Variants in HECA observed in about 807,000 individuals in gnomAD.
The protein encoded by HECA is headcase protein homolog.
In HECA, 13 loss-of-function variants were observed where a neutral mutation model predicts 37.6. The ratio of observed to expected loss-of-function variants is 0.35; its 90% confidence interval spans 0.23 to 0.55. The LOEUF (loss-of-function observed/expected upper bound fraction) is 0.55, where lower values mean the gene tolerates loss of function less well. HECA is among the 20% of genes least tolerant of loss of function. HECA has a pLI of 0.90. For missense variants in HECA, 527 were observed against 701.9 expected (o/e 0.75, Z 2.82); for synonymous variants, 307 against 291.5 (o/e 1.05, Z -0.54).
At chr6:139,156,449 A>G (rs895665808) in intron 1 of HECA, among the ~76,000 whole-genome samples, 3 of 152,244 alleles carry the variant, frequency 2.0e-5, no homozygotes, top group African/African-American at 7.2e-5. Context: ...GGCTGAAGTG[A>G]CCTTCCTGCC....
intron 1 of HECA, among the ~76,000 whole-genome samples, chr6:139,149,227 G>T (rs1211947509): frequency 6.6e-6 from 1 of 152,128 alleles, no homozygotes; most frequent in African/African-American, 2.4e-5. Flanking sequence ...TCTGTGATTT[G>T]GAAGAGGTTT....
intron 1 of HECA, chr6:139,155,846 A>G (rs554698019): frequency 7.2e-4 from 109 of 152,326 alleles, no homozygotes; most frequent in African/African-American, 2.4e-3. Context: ...GCAAATTTCA[A>G]CTACTCACAT....
intron 1 of HECA, among the ~76,000 whole-genome samples, chr6:139,149,567 C>T (rs1201798037): frequency 2.6e-5 from 4 of 152,206 alleles, no homozygotes; most frequent in Non-Finnish European, 5.9e-5. Context: ...CAGATGTTGG[C>T]TTTCCCCCAG....
chr6:139,166,970 GC>G lies in HECA; in HGVS notation c.961del (p.His321ThrfsTer41). ...GGCTGGGGGCCATGTGTTCAGAAAT[GC>G]CCACTTTGATTACAGCCCTGCGGGG... ...AMAGGHVFRN[A>X]HFDYSPAGLA... is the part of the protein sequence containing the mutation. On this transcript the variant is annotated frameshift_variant, in exon 2 of 4. Coordinates refer to ENST00000367658, the MANE Select transcript of HECA (RefSeq NM_016217.3). LOFTEE classifies it high-confidence loss of function. The G allele has an allele frequency of 6.2e-7, 1 of 1,614,196 alleles. No homozygotes were observed.
At chr6:139,165,452 A>G (rs199542157) in intron 1 of HECA, among the ~76,000 whole-genome samples, 1 of 152,054 alleles carries the variant, frequency 6.6e-6, no homozygotes, top group East Asian at 1.9e-4. Context: ...CCCTTTTGGT[A>G]TTGTACATCC....
chr6:139,165,110 T>C (rs1304559485), intron 1 of HECA, among the ~76,000 whole-genome samples: 1 of 152,224 alleles, frequency 6.6e-6, no homozygotes, highest in African/African-American at 2.4e-5. Flanking sequence ...AAAAAATCTC[T>C]ATAAGGTAGC....
chr6:139,142,582 A>C (rs1202313706), intron 1 of HECA, among the ~76,000 whole-genome samples: 1 of 152,186 alleles, frequency 6.6e-6, no homozygotes, highest in Non-Finnish European at 1.5e-5. Flanking sequence ...AATTTGGAGC[A>C]GATGCTGTCG....
At chr6:139,173,321 C>CTAGT (rs1775002930) in intron 2 of HECA, among the ~76,000 whole-genome samples, 1 of 152,220 alleles carries the variant, frequency 6.6e-6, no homozygotes, top group Admixed American at 6.5e-5. Flanking sequence ...AGACACTGTG[C>CTAGT]TAGTCACTGA....
intron 1 of HECA, among the ~76,000 whole-genome samples, chr6:139,150,071 C>T (rs1774632777): frequency 2.0e-5 from 3 of 152,184 alleles, no homozygotes; most frequent in South Asian, 2.1e-4. Flanking sequence ...TCTGCTTTCT[C>T]CTCTTTACCT....
chr6:139,173,755 T>C (rs1404753411), intron 2 of HECA, among the ~76,000 whole-genome samples: 2 of 152,198 alleles, frequency 1.3e-5, no homozygotes, highest in Non-Finnish European at 2.9e-5. Flanking sequence ...TGGAGGGGGA[T>C]CATGTTGTAA....
In HECA at chr6:139,135,636, G is replaced by A; in HGVS notation, c.240G>A (p.Ala80=). The change falls in exon 1 of 4, where the codon GCG becomes GCA. Residue 80 remains alanine, a synonymous_variant. Transcript: ENST00000367658. Reference sequence around the variant, plus strand: ...GCGCCGCGAACGCTGCGGCCGCCGCGGGGGCTGCGGCCGCGGGCGATGCCA... The same window carrying A: ...GCGCCGCGAACGCTGCGGCCGCCGCAGGGGCTGCGGCCGCGGGCGATGCCA... ...GTGAANAAAA[A]GAAAAGDAKN... 1 of 972,948 alleles carries A rather than the reference G, an allele frequency of 1.0e-6. No individual in the cohort carries two copies. The highest frequency in any genetic ancestry group is 1.2e-6 in the Non-Finnish European group (1 of 820,054). The allele number at this position is 972,948 out of a possible 1,614,324, so 60.3% of individuals were successfully genotyped here.
intron 1 of HECA, among the ~76,000 whole-genome samples, chr6:139,150,010 G>A (rs1774632239): frequency 6.6e-6 from 1 of 152,162 alleles, no homozygotes; most frequent in Non-Finnish European, 1.5e-5. Context: ...TGTGCATCTG[G>A]ATTTGTAATT....
chr6:139,146,700 A>C (rs1447137843), intron 1 of HECA, among the ~76,000 whole-genome samples: 1 of 152,182 alleles, frequency 6.6e-6, no homozygotes, highest in Non-Finnish European at 1.5e-5. Flanking sequence ...CTGGCATTGA[A>C]AAATAAGTGC....
At chr6:139,138,390 G>C (rs1294979424) in intron 1 of HECA, among the ~76,000 whole-genome samples, 2 of 152,194 alleles carry the variant, frequency 1.3e-5, no homozygotes, top group Non-Finnish European at 2.9e-5. Context: ...ATTATTACAA[G>C]AAAGGAGGTA....
intron 3 of HECA, 46 bp downstream of exon 3, chr6:139,174,585 C>T: frequency 6.3e-7 from 1 of 1,594,576 alleles, no homozygotes. Flanking sequence ...TATTAGGCTT[C>T]TGTCCCCAAG....
In HECA at chr6:139,167,048, C is replaced by A; in HGVS notation, c.1036C>A (p.Arg346=). The A allele has an allele frequency of 6.2e-7, 1 of 1,614,154 alleles. No individual in the cohort carries two copies. Among genetic ancestry groups the A allele is most frequent in the South Asian group, 1.1e-5 (1 of 91,084 alleles). Residue 346 remains arginine (R), a synonymous_variant, in exon 2 of 4, where the codon CGG becomes AGG. Coordinates refer to ENST00000367658, the MANE Select transcript of HECA (RefSeq NM_016217.3). ...HFDTPVQFLR[R]LDLSELLTHI... ...CGACACCCCCGTGCAGTTCCTTCGG[C>A]GGCTGGACCTCTCCGAACTCCTCAC...
At chr6:139,160,270 C>T (rs1486609504) in intron 1 of HECA, among the ~76,000 whole-genome samples, 1 of 152,184 alleles carries the variant, frequency 6.6e-6, no homozygotes, top group Admixed American at 6.5e-5. Flanking sequence ...AATGCCAACT[C>T]TGTGTAAAGG....
chr6:139,143,408 G>A lies in HECA; in HGVS notation c.271+7741G>A, dbSNP rs374083133. On this transcript the variant is annotated intron_variant, in intron 1 of 3. Coordinates refer to ENST00000367658, the MANE Select transcript of HECA (RefSeq NM_016217.3). ...TAATGTGGAAAAAGACTATAGTACC[G>A]TGCAAGTTTTTATTCAAGCACTGCT... Among the ~76,000 whole-genome samples, 4 of 152,256 alleles carry A rather than the reference G, an allele frequency of 2.6e-5. No homozygotes were observed. In the East Asian group the frequency reaches 5.8e-4, roughly 22 times the overall value.
At chr6:139,135,979 G>A (rs1343963529) in intron 1 of HECA, among the ~76,000 whole-genome samples, 3 of 152,080 alleles carry the variant, frequency 2.0e-5, no homozygotes, top group Admixed American at 6.5e-5. Flanking sequence ...CGTGTGTGCC[G>A]GGCCGAAGGG....
Sources: gnomAD v4.1 joint callset for allele counts (sites outside exome capture counted in the v4.1 genomes callset) on GRCh38, gnomAD v4.1.1 for gene constraint, MANE v1.5 for transcripts, NCBI Gene and HGNC (gene_info 2026-07-23, HGNC 2026-07-21) for gene names.